Variants in SHPRH observed in about 807,000 individuals in gnomAD.
The protein encoded by SHPRH is E3 ubiquitin-protein ligase SHPRH.
Under a neutral mutation model 202.5 loss-of-function variants are expected in SHPRH, and 106 were observed. That is an observed-to-expected ratio of 0.52 (90% CI 0.45 to 0.62). The LOEUF (loss-of-function observed/expected upper bound fraction) is 0.62, where lower values mean the gene tolerates loss of function less well. Ranked by LOEUF, SHPRH falls within the 20% of genes least tolerant of loss-of-function variation. The pLI is 0.00. For missense variants in SHPRH, 1,710 were observed against 2,020.0 expected, an observed-to-expected ratio of 0.85 and a Z score of 2.94; for synonymous variants, 729 against 686.0, an observed-to-expected ratio of 1.06 and a Z score of -0.98.
chr6:145,874,373 A>G (rs2128693963), intron 2 of SHPRH, among the ~76,000 whole-genome samples: 1 of 152,260 alleles, frequency 6.6e-6, no homozygotes, highest in Non-Finnish European at 1.5e-5. Context: ...CTGGAAGAAC[A>G]ATGAAAGTGA....
chr6:145,948,338 T>G lies in SHPRH; in HGVS notation c.995A>C (p.His332Pro). Residue 332 changes from histidine to proline, a missense_variant, in exon 5 of 30, where the codon CAC becomes CCC. Coordinates refer to ENST00000275233, the MANE Select transcript of SHPRH (RefSeq NM_001042683.3). ...RSSPATESAL[H>P]FLWREIVTSE... ...TGTAACAATCTCTCGCCATAAGAAG[T>G]GCAGGGCACTTTCTAAAGAAAAATA... The G allele has an allele frequency of 3.1e-6, 5 of 1,602,488 alleles. No homozygotes were observed. Among genetic ancestry groups the G allele is most frequent in the Non-Finnish European group, 4.3e-6 (5 of 1,174,112 alleles).
intron 28 of SHPRH, among the ~76,000 whole-genome samples, chr6:145,888,592 C>A (rs1029552311): frequency 6.6e-6 from 1 of 152,060 alleles, no homozygotes; most frequent in Non-Finnish European, 1.5e-5. Flanking sequence ...TCACACAGGG[C>A]CTTCCAGGAT....
Position 145,957,784 on chromosome 6 carries a change from T to C in SHPRH, c.-32-2430A>G, listed in dbSNP as rs117263495. The stretch of plus-strand genomic sequence containing the variant: ...GGAAAAGTATCAGTTTCTAATAAAA[T>C]TGAATATAACTTACTATGCAGCCTA... On this transcript the variant is annotated intron_variant, in intron 1 of 29. Transcript: ENST00000275233. Among the ~76,000 whole-genome samples the C allele has an allele frequency of 4.2e-3, 635 of 152,252 alleles. 18 individuals are homozygous for C. The East Asian group carries it at 0.071, about 17-fold the overall frequency.
chr6:145,922,459 T>C, intron 19 of SHPRH, 111 bp from the exon 20 acceptor site: 1 of 1,311,278 alleles, frequency 7.6e-7, no homozygotes, highest in Non-Finnish European at 1.0e-6. Flanking sequence ...AGATATGCCA[T>C]TTTAGAAAAA....
At chr6:145,960,135 C>T (rs1435228741) in intron 1 of SHPRH, among the ~76,000 whole-genome samples, 1 of 152,164 alleles carries the variant, frequency 6.6e-6, no homozygotes, top group Non-Finnish European at 1.5e-5. Context: ...TCTGGAAAAG[C>T]AGTTTGGCTC....
chr6:145,891,636 C>G (rs1382827965), intron 28 of SHPRH, among the ~76,000 whole-genome samples: 1 of 152,136 alleles, frequency 6.6e-6, no homozygotes, highest in Non-Finnish European at 1.5e-5. Flanking sequence ...CTGATGCAGG[C>G]AGACTGTTCA....
intron 14 of SHPRH, among the ~76,000 whole-genome samples, chr6:145,930,215 CG>C (rs1785286920): frequency 6.6e-6 from 1 of 152,044 alleles, no homozygotes; most frequent in Non-Finnish European, 1.5e-5. Context: ...CAACTACAGA[CG>C]GGCTACTCAA....
intron 1 of SHPRH, among the ~76,000 whole-genome samples, chr6:145,961,134 G>A (rs548827964): frequency 4.9e-4 from 75 of 152,272 alleles, no homozygotes; most frequent in African/African-American, 1.7e-3. Context: ...CATGGCCTGA[G>A]GGGTGGGGAC....
At chr6:145,861,207 G>T (rs1400811217), downstream of SHPRH, among the ~76,000 whole-genome samples, 1 of 151,996 alleles carries the variant, frequency 6.6e-6, no homozygotes, top group African/African-American at 2.4e-5. Flanking sequence ...GGGAATGGGG[G>T]AAAATGTTTG....
downstream of SHPRH, chr6:145,883,482 C>T (rs1322829602): frequency 6.6e-6 from 1 of 152,232 alleles, no homozygotes; most frequent in African/African-American, 2.4e-5. Flanking sequence ...ACATACCTAG[C>T]ATAAGGCTTG....
intron 1 of SHPRH, among the ~76,000 whole-genome samples, chr6:145,958,542 C>A (rs1263762469): frequency 6.6e-6 from 1 of 152,096 alleles, no homozygotes; most frequent in Non-Finnish European, 1.5e-5. Flanking sequence ...TAAGGTCTAT[C>A]CTCCTTCCCT....
chr6:145,928,136 T>G (rs1357792013), intron 14 of SHPRH, among the ~76,000 whole-genome samples: 1 of 152,184 alleles, frequency 6.6e-6, no homozygotes. Flanking sequence ...GTTTTTATAC[T>G]GCCTGTGGCT....
chr6:145,873,248 G>GA (rs1444367415), intron 2 of SHPRH, among the ~76,000 whole-genome samples: 1 of 152,134 alleles, frequency 6.6e-6, no homozygotes, highest in Non-Finnish European at 1.5e-5. Context: ...TGGAGATGAT[G>GA]AAAAGTGGTC....
At chr6:145,951,563 C>G (rs907787596) in intron 3 of SHPRH, among the ~76,000 whole-genome samples, 1 of 152,044 alleles carries the variant, frequency 6.6e-6, no homozygotes, top group South Asian at 2.1e-4. Context: ...TTTTAAAAGG[C>G]CATAAGTTTA....
chr6:145,925,341 TACACACAC>T (rs10631165), intron 16 of SHPRH, among the ~76,000 whole-genome samples: 1 of 145,278 alleles, frequency 6.9e-6, no homozygotes, highest in South Asian at 2.2e-4. Flanking sequence ...ATGTTCTCAC[TACACACAC>T]ACACACACAC....
intron 2 of SHPRH, chr6:145,877,089 G>T (rs916610865): frequency 6.6e-6 from 1 of 152,140 alleles, no homozygotes; most frequent in East Asian, 1.9e-4. Context: ...TAGAAATGTT[G>T]GGTCATGTGG....
chr6:145,943,166 T>A lies in SHPRH; in HGVS notation c.2215A>T (p.Arg739Trp). ...ACCAAGACTCGAAGAGATGACGACC[T>A]CACATGCCTGTTGATCTCATCCACC... ...QWVDEINRHV[R>W]SSSLRVLVYQ... Residue 739 changes from arginine to tryptophan, a missense_variant, in exon 9 of 30, where the codon AGG becomes TGG. Arg to Trp is a moderately radical substitution (Grantham distance 101). Coordinates refer to ENST00000275233, the MANE Select transcript of SHPRH (RefSeq NM_001042683.3). The A allele has an allele frequency of 3.1e-6, 5 of 1,604,810 alleles. No homozygotes were observed. The highest frequency in any genetic ancestry group is 4.3e-6 in the Non-Finnish European group (5 of 1,174,400).
At chr6:145,919,157 T>C (rs539429015) in intron 22 of SHPRH, 191 bp downstream of exon 22, 6 of 650,728 alleles carry the variant, frequency 9.2e-6, no homozygotes, top group Non-Finnish European at 1.5e-5. Context: ...AAGCATGTAA[T>C]AGATATGAAA....
At chr6:145,922,213 T>C in intron 20 of SHPRH, 73 bp downstream of exon 20, 2 of 1,292,636 alleles carry the variant, frequency 1.5e-6, no homozygotes, top group Non-Finnish European at 2.2e-6. Context: ...GAAAACATAG[T>C]CTTATATCAC....
Sources: allele counts gnomAD v4.1 joint callset (sites outside exome capture counted in the v4.1 genomes callset), GRCh38; gene constraint gnomAD v4.1.1; transcripts MANE v1.5; gene names NCBI Gene and HGNC (gene_info 2026-07-23, HGNC 2026-07-21).